The following SAG variants were observed in gnomAD, a reference collection of about 807,000 sequenced individuals.
The protein encoded by SAG is S-antigen visual arrestin, also known as S-arrestin.
Under a neutral mutation model 55.0 loss-of-function variants are expected in SAG, and 45 were observed. The ratio of observed to expected loss-of-function variants is 0.82; its 90% CI spans 0.64 to 1.05. The LOEUF (loss-of-function observed/expected upper bound fraction) is 1.05, where lower values mean the gene tolerates loss of function less well. Among genes scored for constraint, SAG ranks in the 50% least tolerant of loss-of-function variants. The probability of loss-of-function intolerance (pLI) is 0.00; values close to 1 mark genes in which losing one functional copy is unlikely to be tolerated. For synonymous variants in SAG, 189 were observed against 197.4 expected (o/e 0.96, Z 0.36); for missense variants, 455 against 512.1 (o/e 0.89, Z 1.08).
At chr2:233,328,703 A>T in intron 8 of SAG, 90 bp downstream of exon 8, 1 of 1,362,114 alleles carries the variant, frequency 7.3e-7, no homozygotes, top group South Asian at 1.5e-5. Context: ...GCCCTTAACT[A>T]CATGGGTGCC....
intron 6 of SAG, among the ~76,000 whole-genome samples, chr2:233,323,585 A>G (rs1246397581): frequency 2.6e-5 from 4 of 150,956 alleles, no homozygotes; most frequent in African/African-American, 9.8e-5. Flanking sequence ...CTGGTCTCGA[A>G]CTCCCGACCT....
intron 10 of SAG, chr2:233,334,441 A>AG (rs1700861968): frequency 6.6e-6 from 1 of 152,622 alleles, no homozygotes; most frequent in Admixed American, 6.5e-5. Flanking sequence ...GTAGAGAAAG[A>AG]GCATGTGCTG....
At position 233,327,175 on chromosome 2, in the gene SAG, G is replaced by A. The variant is rs536561208; in HGVS notation, c.490G>A (p.Glu164Lys). 5 of 1,613,714 alleles carry A rather than the reference G, an allele frequency of 3.1e-6. No homozygotes were observed. Among genetic ancestry groups the A allele is most frequent in the East Asian group, 2.2e-5 (1 of 44,872 alleles). ...ATTCGCCACAGACAGCACCGATGCC[G>A]AAGAGGACAAAATCCCCAAGAAGTA... ...KAFATDSTDA[E>K]EDKIPKKSSV... Residue 164 changes from glutamate (E) to lysine (K), a missense_variant, in exon 7 of 16, where the codon GAA becomes AAA. Physicochemically the swap from Glu to Lys is moderately conservative, Grantham distance 56. Coordinates refer to ENST00000409110, the MANE Select transcript of SAG (RefSeq NM_000541.5).
Position 233,340,347 on chromosome 2 carries a change from C to G in SAG, c.1023-108C>G, listed in dbSNP as rs959434978. Reference sequence around the variant, plus strand: ...GGGAAGACCCTGGATGTTGTGAGTTCGGGTGCAAGGGCCATGAGAGCTGGG... The same window carrying G: ...GGGAAGACCCTGGATGTTGTGAGTTGGGGTGCAAGGGCCATGAGAGCTGGG... On this transcript the variant is annotated intron_variant, in intron 12 of 15. Coordinates refer to ENST00000409110, the MANE Select transcript of SAG (RefSeq NM_000541.5). The surrounding 1 kb of genome is among the most constrained non-coding windows in gnomAD (Gnocchi z 4.2). The G allele has an allele frequency of 2.6e-5, 22 of 853,712 alleles. No individual in the cohort carries two copies. In the Admixed American group the frequency reaches 4.1e-4, roughly 16 times the overall value. 52.9% of individuals were successfully genotyped at this position (853,712 alleles called of 1,614,324 possible). A position where few individuals can be genotyped will look rare whatever the true frequency, so the allele number is the denominator to read the frequency against.
chr2:233,322,900 C>T (rs1010188385), intron 5 of SAG, 46 bp from the exon 6 acceptor site: 3 of 1,105,186 alleles, frequency 2.7e-6, no homozygotes, highest in South Asian at 1.4e-5. Flanking sequence ...CTTAATGGAA[C>T]AGCCCCTTCT....
At chr2:233,339,861 C>T (rs932567262) in intron 12 of SAG, among the ~76,000 whole-genome samples, 3 of 151,882 alleles carry the variant, frequency 2.0e-5, no homozygotes, top group Non-Finnish European at 4.4e-5. Context: ...CGGGGTTTCA[C>T]CATGTTAGCC....
chr2:233,308,603 T>A (rs78571834), intron 1 of SAG, among the ~76,000 whole-genome samples: 23,934 of 151,998 alleles, frequency 0.16, 2,577 homozygotes, highest in African/African-American at 0.31. Flanking sequence ...TCTTTTTTTT[T>A]AAAAAAAGTG....
chr2:233,315,191 GTGGCTT>G (rs200907109), intron 2 of SAG, among the ~76,000 whole-genome samples: 2,454 of 151,800 alleles, frequency 0.016, 73 homozygotes, highest in African/African-American at 0.055. Context: ...CCCTCAGTGC[GTGGCTT>G]TAGGTCTACC....
In SAG at chr2:233,340,348, G is replaced by A. The variant is rs779503575; in HGVS notation, c.1023-107G>A. The stretch of plus-strand genomic sequence containing the variant: ...GGAAGACCCTGGATGTTGTGAGTTC[G>A]GGTGCAAGGGCCATGAGAGCTGGGC... On this transcript the variant is annotated intron_variant, in intron 12 of 15. Transcript: ENST00000409110. The surrounding 1 kb of genome is among the most constrained non-coding windows in gnomAD (Gnocchi z 4.2). 24 of 860,756 alleles carry A rather than the reference G, an allele frequency of 2.8e-5. No individual in the cohort carries two copies. Among genetic ancestry groups the A allele is most frequent in the Admixed American group, 8.5e-5 (4 of 46,936 alleles). 53.3% of individuals were successfully genotyped at this position (860,756 alleles called of 1,614,324 possible). A position where few individuals can be genotyped will look rare whatever the true frequency, so the allele number is the denominator to read the frequency against.
At chr2:233,344,236 T>A (rs1409422151) in intron 14 of SAG, 2 of 152,232 alleles carry the variant, frequency 1.3e-5, no homozygotes, top group Non-Finnish European at 1.5e-5. Context: ...AGTGGCATGA[T>A]CTCGGTTCAC....
At chr2:233,312,877 G>A (rs893894452) in intron 2 of SAG, among the ~76,000 whole-genome samples, 6 of 152,148 alleles carry the variant, frequency 3.9e-5, no homozygotes, top group African/African-American at 1.4e-4. Flanking sequence ...ACCAGCCTTT[G>A]CCCTGGCATT....
At chr2:233,320,960 A>G (rs1411580785) in intron 5 of SAG, 137 bp downstream of exon 5, 11 of 715,040 alleles carry the variant, frequency 1.5e-5, no homozygotes, top group Non-Finnish European at 2.3e-5. Flanking sequence ...GAAATTCTAG[A>G]TTGCATGGTC....
chr2:233,335,938 A>G (rs1458776516), intron 11 of SAG, among the ~76,000 whole-genome samples: 1 of 152,060 alleles, frequency 6.6e-6, no homozygotes, highest in African/African-American at 2.4e-5. Flanking sequence ...GGATTGTTTG[A>G]CCCCATGACT....
chr2:233,319,906 C>G lies in SAG; in HGVS notation c.182-724C>G. ...CAAAATTCTCAACCAACAGCTACCA[C>G]GCACTTGGCGGGGCCGCCTCTCGTG... On this transcript the variant is annotated intron_variant, in intron 4 of 15. Coordinates refer to ENST00000409110, the MANE Select transcript of SAG (RefSeq NM_000541.5). The surrounding 1 kb of genome is among the most constrained non-coding windows in gnomAD (Gnocchi z 4.4). The G allele has an allele frequency of 1.0e-6, 1 of 985,638 alleles. No homozygotes were observed. The highest frequency in any genetic ancestry group is 1.2e-6 in the Non-Finnish European group (1 of 829,932). 61.1% of individuals were successfully genotyped at this position (985,638 alleles called of 1,614,324 possible).
chr2:233,338,572 A>G, intron 11 of SAG, 104 bp from the exon 12 acceptor site: 1 of 987,000 alleles, frequency 1.0e-6, no homozygotes, highest in Non-Finnish European at 1.6e-6. Flanking sequence ...CAGTCCCTGG[A>G]GAACCTCCAT....
At chr2:233,338,774 C>T (rs372174626) in intron 12 of SAG, 21 bp downstream of exon 12, 40 of 1,601,616 alleles carry the variant, frequency 2.5e-5, no homozygotes, top group Non-Finnish European at 3.2e-5. Flanking sequence ...CGGCACCAAC[C>T]CTCGGGCTGC....
At position 233,315,962 on chromosome 2, in the gene SAG, A is replaced by C. The variant is rs530650039; in HGVS notation, c.76-113A>C. The C allele has an allele frequency of 3.2e-4, 215 of 667,148 alleles. No homozygotes were observed. The African/African-American group carries it at 3.6e-3, about 11-fold the overall frequency. The allele number at this position is 667,148 out of a possible 1,614,324, so 41.3% of individuals were successfully genotyped here. A position where few individuals can be genotyped will look rare whatever the true frequency, so the allele number is the denominator to read the frequency against. The stretch of plus-strand genomic sequence containing the variant: ...TGATCCGCCCGCCTTGGCCTCCCAA[A>C]GTGCTAAGATTACAGGTGTGAGCCA... On this transcript the variant is annotated intron_variant, in intron 2 of 15. Transcript: ENST00000409110.
At position 233,319,553 on chromosome 2, in the gene SAG, C is replaced by G; in HGVS notation, c.181+758C>G. ...GGAATTGTTCAGAACCCTGGATGTG[C>G]CACTGGAATACGTCAGCTATGGGGC... is the stretch of plus-strand genomic sequence containing the variant. On this transcript the variant is annotated intron_variant, in intron 4 of 15. Coordinates refer to ENST00000409110, the MANE Select transcript of SAG (RefSeq NM_000541.5). This position sits in a 1 kb window ranked among gnomAD's most constrained non-coding sequence, Gnocchi z 4.4. 2.0e-6 allele frequency: 2 copies of G among 987,588 alleles called. No individual in the cohort carries two copies. The highest frequency in any genetic ancestry group is 2.4e-6 in the Non-Finnish European group (2 of 830,940). 61.2% of individuals were successfully genotyped at this position (987,588 alleles called of 1,614,324 possible). A position where few individuals can be genotyped will look rare whatever the true frequency, so the allele number is the denominator to read the frequency against.
In SAG at chr2:233,319,659, G is replaced by A. The variant is rs1700321190; in HGVS notation, c.181+864G>A. 2.0e-6 allele frequency: 2 copies of A among 985,940 alleles called. No homozygotes were observed. The highest frequency in any genetic ancestry group is 4.7e-5 in the South Asian group (1 of 21,310). 61.1% of individuals were successfully genotyped at this position (985,940 alleles called of 1,614,324 possible). On this transcript the variant is annotated intron_variant, in intron 4 of 15. Coordinates refer to ENST00000409110, the MANE Select transcript of SAG (RefSeq NM_000541.5). This position sits in a 1 kb window ranked among gnomAD's most constrained non-coding sequence, Gnocchi z 4.4. Reference sequence around the variant, plus strand: ...TCTCCACCTTCCTCCTGGGTGCCCTGCTCCTCTCTGGACCAGGAGGCATCT... The same window carrying A: ...TCTCCACCTTCCTCCTGGGTGCCCTACTCCTCTCTGGACCAGGAGGCATCT...
Sources: gnomAD v4.1 joint callset for allele counts (sites outside exome capture counted in the v4.1 genomes callset) on GRCh38, gnomAD v4.1.1 for gene constraint, Gnocchi (gnomAD v3.1) non-coding constraint, MANE v1.5 for transcripts, NCBI Gene and HGNC (gene_info 2026-07-23, HGNC 2026-07-21) for gene names.